Variants in PPFIA2 observed in about 807,000 individuals in gnomAD.
PPFIA2 encodes liprin-alpha-2.
In PPFIA2, 46 loss-of-function variants were observed where a neutral mutation model predicts 175.5. That is an observed-to-expected ratio of 0.26 (90% confidence interval 0.21 to 0.34). PPFIA2 has a LOEUF of 0.34. Ranked by LOEUF, PPFIA2 falls within the 10% of genes least tolerant of loss-of-function variation. The probability of loss-of-function intolerance (pLI) is 1.00; values close to 1 mark genes in which losing one functional copy is unlikely to be tolerated. For synonymous variants in PPFIA2, 568 were observed against 511.4 expected (o/e 1.11, Z -1.49); for missense variants, 1,179 against 1,506.1 (o/e 0.78, Z 3.60).
chr12:81,311,561 G>A (rs1432050698), intron 22 of PPFIA2, among the ~76,000 whole-genome samples: 3 of 151,826 alleles, frequency 2.0e-5, no homozygotes, highest in African/African-American at 4.8e-5. Context: ...GTGAAACCCC[G>A]TCTCTACCAA....
intron 4 of PPFIA2, among the ~76,000 whole-genome samples, chr12:81,539,281 C>T (rs1184913260): frequency 6.6e-6 from 1 of 151,788 alleles, no homozygotes; most frequent in Non-Finnish European, 1.5e-5. Context: ...GGGGAGAAAT[C>T]TGGGCAGGAA....
chr12:81,708,771 A>G (rs2077522042), intron 3 of PPFIA2, among the ~76,000 whole-genome samples: 1 of 152,166 alleles, frequency 6.6e-6, no homozygotes, highest in Admixed American at 6.5e-5. Flanking sequence ...AATGAACATA[A>G]TCACTGGGCC....
intron 3 of PPFIA2, among the ~76,000 whole-genome samples, chr12:81,705,674 C>G (rs938326416): frequency 2.6e-5 from 4 of 151,994 alleles, no homozygotes; most frequent in African/African-American, 9.7e-5. Flanking sequence ...CCACACAGAG[C>G]CAAAGACCCT....
chr12:81,611,291 C>T (rs1019774687), intron 4 of PPFIA2, among the ~76,000 whole-genome samples: 1 of 152,150 alleles, frequency 6.6e-6, no homozygotes, highest in Non-Finnish European at 1.5e-5. Context: ...GGGAGGCATA[C>T]TCCACTCCTA....
intron 16 of PPFIA2, among the ~76,000 whole-genome samples, chr12:81,355,141 G>A (rs1291579904): frequency 1.3e-5 from 2 of 151,968 alleles, no homozygotes; most frequent in Non-Finnish European, 2.9e-5. Flanking sequence ...TTTATCCACG[G>A]GCTACAGAAT....
At chr12:81,739,673 T>C (rs1253369420) in intron 3 of PPFIA2, among the ~76,000 whole-genome samples, 1 of 152,016 alleles carries the variant, frequency 6.6e-6, no homozygotes, top group African/African-American at 2.4e-5. Context: ...TTTTGAACTA[T>C]ATCACATATC....
At chr12:81,536,336 A>G (rs1162431481) in intron 4 of PPFIA2, among the ~76,000 whole-genome samples, 1 of 151,686 alleles carries the variant, frequency 6.6e-6, no homozygotes, top group South Asian at 2.1e-4. Context: ...AATATTACAT[A>G]TAGCCTGTAT....
At chr12:81,684,310 G>A (rs892434248) in intron 3 of PPFIA2, among the ~76,000 whole-genome samples, 6 of 152,016 alleles carry the variant, frequency 3.9e-5, no homozygotes, top group Non-Finnish European at 8.8e-5. Flanking sequence ...AGTTTACAGG[G>A]TCCAGAGAAA....
intron 22 of PPFIA2, among the ~76,000 whole-genome samples, chr12:81,324,667 A>G (rs1238791107): frequency 3.3e-5 from 5 of 152,026 alleles, no homozygotes; most frequent in Non-Finnish European, 5.9e-5. Flanking sequence ...AAAGATTATG[A>G]TAATATTTAA....
chr12:81,391,627 C>T (rs969038092), intron 8 of PPFIA2, among the ~76,000 whole-genome samples: 1 of 151,886 alleles, frequency 6.6e-6, no homozygotes, highest in Admixed American at 6.6e-5. Flanking sequence ...AATATCCTCA[C>T]AGCTAGGGTT....
At chr12:81,490,183 T>A (rs1446081333) in intron 4 of PPFIA2, among the ~76,000 whole-genome samples, 1 of 151,964 alleles carries the variant, frequency 6.6e-6, no homozygotes, top group Non-Finnish European at 1.5e-5. Flanking sequence ...CAAAGATAGG[T>A]TTACTCGTGG....
chr12:81,513,055 G>C (rs568748696), intron 4 of PPFIA2, among the ~76,000 whole-genome samples: 2 of 151,718 alleles, frequency 1.3e-5, no homozygotes, highest in African/African-American at 4.8e-5. Flanking sequence ...AATCAGCAAG[G>C]AAAATAATAA....
At chr12:81,431,657 C>T (rs1031295331) in intron 7 of PPFIA2, among the ~76,000 whole-genome samples, 2 of 152,030 alleles carry the variant, frequency 1.3e-5, no homozygotes, top group African/African-American at 2.4e-5. Context: ...TGACACTGTC[C>T]CCTTGATTCT....
rs537081583 is a variant in PPFIA2, at chr12:81,304,859, A to T, written c.2643-5477T>A. 6.8e-4 allele frequency among the ~76,000 whole-genome samples: 103 copies of T among 152,228 alleles called. 5 individuals are homozygous for T. The South Asian group carries it at 0.02, about 30-fold the overall frequency. On this transcript the variant is annotated intron_variant, in intron 22 of 32. Transcript: ENST00000549396. ...AGAAGCCATCAGAGGGTTTAAGCAC[A>T]AGAACATAAAATAATTTGTACATTA...
intron 5 of PPFIA2, among the ~76,000 whole-genome samples, chr12:81,452,331 A>G (rs74879799): frequency 1.3e-5 from 2 of 152,208 alleles, no homozygotes; most frequent in African/African-American, 4.8e-5. Context: ...ACAGAAACAC[A>G]TTCTTCCCTG....
intron 4 of PPFIA2, among the ~76,000 whole-genome samples, chr12:81,506,430 G>A (rs1373718383): frequency 1.3e-5 from 2 of 152,062 alleles, no homozygotes; most frequent in Non-Finnish European, 2.9e-5. Flanking sequence ...TTACATTTAG[G>A]TATATGTATT....
chr12:81,405,765 G>A (rs762678947), intron 8 of PPFIA2, 22 bp downstream of exon 8: 43 of 1,257,922 alleles, frequency 3.4e-5, no homozygotes, highest in Non-Finnish European at 4.8e-5. Flanking sequence ...TTCCATGTAA[G>A]AGCATGTGGG....
chr12:81,404,894 T>C (rs1391395727), intron 8 of PPFIA2, among the ~76,000 whole-genome samples: 1 of 152,222 alleles, frequency 6.6e-6, no homozygotes, highest in East Asian at 1.9e-4. Context: ...TTTTAGAAAC[T>C]CTTGACATTT....
At chr12:81,406,406 A>C (rs1424422293) in intron 7 of PPFIA2, among the ~76,000 whole-genome samples, 2 of 152,112 alleles carry the variant, frequency 1.3e-5, no homozygotes, top group Non-Finnish European at 2.9e-5. Flanking sequence ...TTAAAAAAAA[A>C]TTTGTAATGC....
Sources: gnomAD v4.1 joint callset for allele counts (sites outside exome capture counted in the v4.1 genomes callset) on GRCh38, gnomAD v4.1.1 for gene constraint, MANE v1.5 for transcripts, NCBI Gene and HGNC (gene_info 2026-07-23, HGNC 2026-07-21) for gene names.